Variants in PDCL observed in about 807,000 individuals in gnomAD.
PDCL encodes the protein phosducin-like protein.
In PDCL, 11 loss-of-function variants were observed where a neutral mutation model predicts 26.7. The ratio of observed to expected loss-of-function variants is 0.41; its 90% CI spans 0.26 to 0.68. The LOEUF is 0.68. PDCL is among the 30% of genes least tolerant of loss of function. The pLI, the probability that PDCL is intolerant of heterozygous loss-of-function variation, is 0.30. For synonymous variants in PDCL, 118 were observed against 134.9 expected (o/e 0.87, Z 0.87); for missense variants, 330 against 371.6 (o/e 0.89, Z 0.92).
chr9:122,818,864 A>T lies in PDCL; in HGVS notation c.*1221T>A, dbSNP rs982070850. The T allele has an allele frequency of 3.3e-5, 5 of 152,158 alleles. No individual in the cohort carries two copies. The highest frequency in any genetic ancestry group is 7.4e-5 in the Non-Finnish European group (5 of 68,006). The allele number at this position is 152,158 out of a possible 1,614,324, so 9.4% of individuals were successfully genotyped here. ...GGAATTATATGGCTTTTAAGTCTTA[A>T]CAGTGTTTATTACATTTTCTACAAT... is the stretch of plus-strand genomic sequence containing the variant. On this transcript the variant is annotated 3_prime_UTR_variant, in exon 4 of 4. Transcript: ENST00000259467.
At chr9:122,824,419 G>A (rs1829596680) in intron 2 of PDCL, among the ~76,000 whole-genome samples, 1 of 152,190 alleles carries the variant, frequency 6.6e-6, no homozygotes, top group Non-Finnish European at 1.5e-5. Flanking sequence ...CCTAAATAGA[G>A]GGACACAGCC....
At position 122,818,979 on chromosome 9, in the gene PDCL, C is replaced by T. The variant is rs566358426; in HGVS notation, c.*1106G>A. On this transcript the variant is annotated 3_prime_UTR_variant, in exon 4 of 4. Coordinates refer to ENST00000259467, the MANE Select transcript of PDCL (RefSeq NM_005388.5). The stretch of plus-strand genomic sequence containing the variant: ...TCAAGCAAATTATATCACATCTATA[C>T]GATGGAATATTAATAGACATTTTTA... 2.0e-5 allele frequency: 3 copies of T among 151,766 alleles called. No individual in the cohort carries two copies. The highest frequency in any genetic ancestry group is 1.9e-4 in the East Asian group (1 of 5,174). The allele number at this position is 151,766 out of a possible 1,614,324, so 9.4% of individuals were successfully genotyped here.
chr9:122,822,306 G>A (rs1158166967), intron 3 of PDCL, among the ~76,000 whole-genome samples: 1 of 151,534 alleles, frequency 6.6e-6, no homozygotes, highest in Non-Finnish European at 1.5e-5. Context: ...TGTAATCCTA[G>A]CACTTTGGGA....
chr9:122,824,500 A>G (rs1829598272), intron 2 of PDCL, among the ~76,000 whole-genome samples: 2 of 152,228 alleles, frequency 1.3e-5, no homozygotes, highest in African/African-American at 4.8e-5. Context: ...CAGGGCTGCC[A>G]TTGACCTACA....
chr9:122,818,130 T>C lies in PDCL; in HGVS notation c.*1955A>G, dbSNP rs763145270. Among the ~76,000 whole-genome samples, 11 of 152,114 alleles carry C rather than the reference T, an allele frequency of 7.2e-5. No individual in the cohort carries two copies. The highest frequency in any genetic ancestry group is 1.3e-4 in the Non-Finnish European group (9 of 68,024). On this transcript the variant is annotated 3_prime_UTR_variant, in exon 4 of 4. Coordinates refer to ENST00000259467, the MANE Select transcript of PDCL (RefSeq NM_005388.5). Reference sequence around the variant, plus strand: ...TAAAAATACAAAAATTAGCCAGGCGTGATGGCATGTGCCTGTAGTCCCAGC... The same window carrying C: ...TAAAAATACAAAAATTAGCCAGGCGCGATGGCATGTGCCTGTAGTCCCAGC...
In PDCL at chr9:122,823,171, G is replaced by A. The variant is rs1444290069; in HGVS notation, c.199C>T (p.Arg67Cys). 30 of 1,613,854 alleles carry A rather than the reference G, an allele frequency of 1.9e-5. No individual in the cohort carries two copies. Among genetic ancestry groups the A allele is most frequent in the Non-Finnish European group, 2.3e-5 (27 of 1,180,020 alleles). Residue 67 changes from arginine to cysteine, a missense_variant, in exon 3 of 4, where the codon CGC (arginine) becomes TGC (cysteine). By Grantham distance (180) the Arg-to-Cys change is radical (BLOSUM62 -3). Transcript: ENST00000259467. Reference sequence around the variant, plus strand: ...TCTGTCTCCAACTGCTTGAAGCGGCGCCAGTCATTGATCACACCTTTTGGG... The same window carrying A: ...TCTGTCTCCAACTGCTTGAAGCGGCACCAGTCATTGATCACACCTTTTGGG... Reference protein sequence around the residue: ...TGPKGVINDWRRFKQLETEQR... With the variant: ...TGPKGVINDWCRFKQLETEQR...
At chr9:122,827,640 G>A (rs1010931980) in intron 1 of PDCL, among the ~76,000 whole-genome samples, 1 of 152,122 alleles carries the variant, frequency 6.6e-6, no homozygotes, top group Non-Finnish European at 1.5e-5. Context: ...GCTGAGGCAC[G>A]AGAATCTCTT....
chr9:122,826,203 T>C (rs912832418), intron 2 of PDCL, among the ~76,000 whole-genome samples: 1 of 152,064 alleles, frequency 6.6e-6, no homozygotes, highest in African/African-American at 2.4e-5. Context: ...CAGTAGGAGG[T>C]CAAGTGTACG....
Position 122,820,654 on chromosome 9 carries a change from A to G in PDCL, c.355-18T>C. 6.3e-7 allele frequency: 1 copy of G among 1,582,690 alleles called. No individual in the cohort carries two copies. Among genetic ancestry groups the G allele is most frequent in the Non-Finnish European group, 8.6e-7 (1 of 1,167,184 alleles). On this transcript the variant is annotated intron_variant, in intron 3 of 3. Coordinates refer to ENST00000259467, the MANE Select transcript of PDCL (RefSeq NM_005388.5). Reference sequence around the variant, plus strand: ...AGAGTCATCTGCAGGCGGACCAGCAAGTGAGCATAAATATGAAAACTGAAC... The same window carrying G: ...AGAGTCATCTGCAGGCGGACCAGCAGGTGAGCATAAATATGAAAACTGAAC...
At chr9:122,821,388 T>C (rs1366488962) in intron 3 of PDCL, among the ~76,000 whole-genome samples, 1 of 152,018 alleles carries the variant, frequency 6.6e-6, no homozygotes, top group Non-Finnish European at 1.5e-5. Context: ...AAAACTCTCA[T>C]AACCCCTGCC....
intron 3 of PDCL, 35 bp from the exon 4 acceptor site, chr9:122,820,671 A>G: frequency 6.4e-7 from 1 of 1,552,276 alleles, no homozygotes; most frequent in Non-Finnish European, 8.7e-7. Flanking sequence ...ATAAATATGA[A>G]AACTGAACAC....
chr9:122,821,039 TGCTG>T (rs755323886), intron 3 of PDCL, among the ~76,000 whole-genome samples: 2 of 151,960 alleles, frequency 1.3e-5, no homozygotes. Context: ...ATGTACTACA[TGCTG>T]ATAATATATA....
chr9:122,823,584 T>C (rs1030100202), intron 2 of PDCL, among the ~76,000 whole-genome samples: 23 of 152,326 alleles, frequency 1.5e-4, no homozygotes, highest in African/African-American at 5.1e-4. Context: ...AAAAGACCTG[T>C]ATGTATATAC....
intron 3 of PDCL, among the ~76,000 whole-genome samples, chr9:122,822,564 T>C (rs1829566309): frequency 6.6e-6 from 1 of 152,146 alleles, no homozygotes; most frequent in Non-Finnish European, 1.5e-5. Flanking sequence ...CCTACTAGAA[T>C]TTACCAGTTG....
rs1787077704 is a variant in PDCL at position 122,826,746 on chromosome 9, C to T, written c.42G>A (p.Gln14=). 3 of 1,614,102 alleles carry T rather than the reference C, an allele frequency of 1.9e-6. No homozygotes were observed. The highest frequency in any genetic ancestry group is 2.7e-5 in the African/African-American group (2 of 75,020). The change falls in exon 2 of 4, where the codon CAG becomes CAA. Residue 14 remains glutamine, a synonymous_variant. Transcript: ENST00000259467. The part of the protein sequence containing the change: ...LDDKLLGEKL[Q]YYYSSSEDED... ...CATCCTCACTGCTGCTATAGTAGTA[C>T]TGCAGTTTCTCCCCCAGCAACTTAT...
intron 3 of PDCL, among the ~76,000 whole-genome samples, chr9:122,822,277 G>A (rs1829563051): frequency 6.6e-6 from 1 of 151,944 alleles, no homozygotes; most frequent in Non-Finnish European, 1.5e-5. Flanking sequence ...ATCACGGGCC[G>A]GGCACCACGG....
Position 122,820,262 on chromosome 9 carries a change from T to C in PDCL, c.729A>G (p.Glu243=). 1.2e-6 allele frequency: 2 copies of C among 1,614,124 alleles called. No individual in the cohort carries two copies. The highest frequency in any genetic ancestry group is 2.2e-5 in the East Asian group (1 of 44,878). The change falls in exon 4 of 4, where the codon GAA becomes GAG. Residue 243 remains glutamate (E), a synonymous_variant. Transcript: ENST00000259467. ...TAACACGAACAAAATTGCCGATCAA[T>C]TCACCCCCCTTATAGATCAGCAGGG... ...LPALLIYKGG[E]LIGNFVRVTD...
At position 122,826,769 on chromosome 9, in the gene PDCL, TA is replaced by T; in HGVS notation, c.18del (p.Asp6GlufsTer57). On this transcript the variant is annotated frameshift_variant, in exon 2 of 4. Coordinates refer to ENST00000259467, the MANE Select transcript of PDCL (RefSeq NM_005388.5). LOFTEE classifies it high-confidence loss of function. ...TACTGCAGTTTCTCCCCCAGCAACTTATCATCAAGGGTGGTCATGGTGTCTG... is the reference window on the plus strand; with the variant it reads ...TACTGCAGTTTCTCCCCCAGCAACTTTCATCAAGGGTGGTCATGGTGTCTG... MTTLD[D>X]KLLGEKLQYY... The T allele has an allele frequency of 6.2e-7, 1 of 1,614,048 alleles. No homozygotes were observed. Among genetic ancestry groups the T allele is most frequent in the Non-Finnish European group, 8.5e-7 (1 of 1,179,974 alleles).
Position 122,818,501 on chromosome 9 carries a change from A to C in PDCL, c.*1584T>G, listed in dbSNP as rs1829513102. ...AGACTGAAAGGAAATAAGCTAGACTAACAATACTTCCCTGCTTCTAATAAT... is the reference window on the plus strand; with the variant it reads ...AGACTGAAAGGAAATAAGCTAGACTCACAATACTTCCCTGCTTCTAATAAT... On this transcript the variant is annotated 3_prime_UTR_variant, in exon 4 of 4. Transcript: ENST00000259467. 1.3e-5 allele frequency: 2 copies of C among 152,104 alleles called. No homozygotes were observed. Among genetic ancestry groups the C allele is most frequent in the African/African-American group, 4.8e-5 (2 of 41,420 alleles). 9.4% of individuals were successfully genotyped at this position (152,104 alleles called of 1,614,324 possible). A position where few individuals can be genotyped will look rare whatever the true frequency, so the allele number is the denominator to read the frequency against.
Sources: gnomAD v4.1 joint callset for allele counts (sites outside exome capture counted in the v4.1 genomes callset) on GRCh38, gnomAD v4.1.1 for gene constraint, MANE v1.5 for transcripts, NCBI Gene and HGNC (gene_info 2026-07-23, HGNC 2026-07-21) for gene names.